Variants in LAMB1 observed in about 807,000 individuals in gnomAD.
The protein encoded by LAMB1 is laminin subunit beta 1.
In LAMB1, 121 loss-of-function variants were observed where a neutral mutation model predicts 222.3. That is an observed-to-expected ratio of 0.54 (90% confidence interval 0.47 to 0.63). LAMB1 has a LOEUF of 0.63. LAMB1 is among the 30% of genes least tolerant of loss of function. LAMB1 has a pLI of 0.00. For synonymous variants in LAMB1, 794 were observed against 807.2 expected (o/e 0.98, Z 0.28); for missense variants, 2,172 against 2,240.8 (o/e 0.97, Z 0.62).
intron 24 of LAMB1, among the ~76,000 whole-genome samples, chr7:107,941,529 A>G (rs2032981335): frequency 6.6e-6 from 1 of 152,182 alleles, no homozygotes; most frequent in Non-Finnish European, 1.5e-5. Context: ...GTCTTTGCCA[A>G]ATGAAGCCCT....
chr7:107,992,554 CA>C (rs1410206242), intron 5 of LAMB1, among the ~76,000 whole-genome samples: 3 of 152,220 alleles, frequency 2.0e-5, no homozygotes, highest in Non-Finnish European at 4.4e-5. Flanking sequence ...TAAAGACTTT[CA>C]GGTTCCCACT....
intron 5 of LAMB1, 134 bp from the exon 6 acceptor site, chr7:107,986,497 C>T (rs1048620798): frequency 1.2e-5 from 8 of 688,744 alleles, no homozygotes; most frequent in Non-Finnish European, 1.9e-5. Flanking sequence ...CAGACTGTGG[C>T]TGGATTTCAA....
At chr7:107,978,982 G>A (rs1438891780) in intron 8 of LAMB1, among the ~76,000 whole-genome samples, 2 of 152,184 alleles carry the variant, frequency 1.3e-5, no homozygotes, top group Non-Finnish European at 2.9e-5. Flanking sequence ...GGTCCCTCCT[G>A]GACCCACCTT....
At chr7:107,943,442 C>T (rs2116365918) in intron 24 of LAMB1, among the ~76,000 whole-genome samples, 1 of 152,256 alleles carries the variant, frequency 6.6e-6, no homozygotes, top group East Asian at 1.9e-4. Context: ...ACTTAAATAA[C>T]TTAGTACCTT....
chr7:107,958,024 G>C (rs1409505968), intron 20 of LAMB1, among the ~76,000 whole-genome samples: 2 of 152,154 alleles, frequency 1.3e-5, no homozygotes, highest in Admixed American at 6.5e-5. Context: ...TGCTGATTCT[G>C]AATCAGCATT....
intron 15 of LAMB1, 66 bp from the exon 16 acceptor site, chr7:107,961,742 T>A: frequency 6.6e-7 from 1 of 1,514,668 alleles, no homozygotes. Flanking sequence ...AAAAGACCTC[T>A]CTGAATCAAT....
intron 13 of LAMB1, among the ~76,000 whole-genome samples, chr7:107,968,095 C>G (rs567697411): frequency 6.6e-6 from 1 of 152,220 alleles, no homozygotes; most frequent in Non-Finnish European, 1.5e-5. Context: ...ATCTCTGTGC[C>G]TTTACCCATC....
chr7:107,953,607 A>G lies in LAMB1; in HGVS notation c.3002T>C (p.Leu1001Pro). 2 of 1,614,188 alleles carry G rather than the reference A, an allele frequency of 1.2e-6. No homozygotes were observed. Among genetic ancestry groups the G allele is most frequent in the Non-Finnish European group, 1.7e-6 (2 of 1,180,018 alleles). Reference sequence around the variant, plus strand: ...ACAGTGTTCCCCTTCCGTGTGGTACAGGCACTTGAGACACCTCCCAGTCTC... The same window carrying G: ...ACAGTGTTCCCCTTCCGTGTGGTACGGGCACTTGAGACACCTCCCAGTCTC... ...DKETGRCLKC[L>P]YHTEGEHCQF... The change falls in exon 22 of 34, where the codon CTG (leucine) becomes CCG (proline). Residue 1001 changes from leucine (L) to proline (P), a missense_variant. Physicochemically the swap from Leu to Pro is moderately conservative, Grantham distance 98. Transcript: ENST00000222399.
At chr7:107,992,654 G>A (rs1181451576) in intron 5 of LAMB1, among the ~76,000 whole-genome samples, 3 of 152,224 alleles carry the variant, frequency 2.0e-5, no homozygotes, top group Non-Finnish European at 4.4e-5. Flanking sequence ...CCAGCACTTT[G>A]GGAGGCCAAG....
intron 12 of LAMB1, 70 bp downstream of exon 12, chr7:107,974,916 G>A (rs917517796): frequency 1.6e-5 from 14 of 898,198 alleles, no homozygotes; most frequent in East Asian, 1.2e-4. Flanking sequence ...CTACAATGGC[G>A]AAAAGGCTTC....
intron 25 of LAMB1, 93 bp downstream of exon 25, chr7:107,939,896 C>T: frequency 3.5e-6 from 5 of 1,424,054 alleles, no homozygotes; most frequent in Non-Finnish European, 4.8e-6. Flanking sequence ...ACAAAACCTC[C>T]TGATGGAAGC....
rs368918198 is a variant in LAMB1 at position 107,951,282 on chromosome 7, C to T, written c.3335G>A (p.Arg1112His). The part of the protein sequence containing the change: ...QCQCMPGFGG[R>H]TCSECQELFW... ...GAGTTCCTGGCACTCGCTGCAGGTGCGGCCTCCAAACCCAGGCATGCACTG... is the reference window on the plus strand; with the variant it reads ...GAGTTCCTGGCACTCGCTGCAGGTGTGGCCTCCAAACCCAGGCATGCACTG... Residue 1112 changes from arginine (R) to histidine (H), a missense_variant, in exon 24 of 34, where the codon CGC (arginine) becomes CAC (histidine). Arg to His is a conservative substitution (Grantham distance 29). Coordinates refer to ENST00000222399, the MANE Select transcript of LAMB1 (RefSeq NM_002291.3). The T allele has an allele frequency of 1.2e-5, 19 of 1,614,042 alleles. No homozygotes were observed. The highest frequency in any genetic ancestry group is 2.2e-5 in the South Asian group (2 of 91,092).
intron 21 of LAMB1, 38 bp downstream of exon 21, chr7:107,955,429 T>C: frequency 1.9e-6 from 3 of 1,561,842 alleles, no homozygotes; most frequent in Non-Finnish European, 2.6e-6. Context: ...GACATCTTTT[T>C]CTCTCTCTTT....
intron 13 of LAMB1, among the ~76,000 whole-genome samples, chr7:107,969,171 C>T (rs2033693783): frequency 6.6e-6 from 1 of 151,894 alleles, no homozygotes; most frequent in African/African-American, 2.4e-5. Context: ...GCCTGTAGTC[C>T]CAGCTACTTG....
In LAMB1 at chr7:107,959,914, A is replaced by G. The variant is rs887751658; in HGVS notation, c.2315-80T>C. 25 of 1,498,688 alleles carry G rather than the reference A, an allele frequency of 1.7e-5. No individual in the cohort carries two copies. The East Asian group carries it at 5.1e-4, about 30-fold the overall frequency. The allele number at this position is 1,498,688 out of a possible 1,614,324, so 92.8% of individuals were successfully genotyped here. The stretch of plus-strand genomic sequence containing the variant: ...CTCCCTGATCCTTTCTCCTTTAACT[A>G]CTTTGGATTATTCAGAGTTCTGGTT... On this transcript the variant is annotated intron_variant, in intron 18 of 33. Coordinates refer to ENST00000222399, the MANE Select transcript of LAMB1 (RefSeq NM_002291.3).
At chr7:107,960,408 G>GA in intron 18 of LAMB1, 37 bp downstream of exon 18, 1 of 1,542,626 alleles carries the variant, frequency 6.5e-7, no homozygotes, top group Non-Finnish European at 9.0e-7. Context: ...CTCAGAGCCA[G>GA]AAACAGCAGC....
chr7:107,967,939 G>A (rs779017696), intron 13 of LAMB1, among the ~76,000 whole-genome samples: 12 of 152,114 alleles, frequency 7.9e-5, no homozygotes, highest in East Asian at 1.9e-4. Context: ...TGAGGGAGGC[G>A]TCATGAAAGA....
intron 20 of LAMB1, 39 bp from the exon 21 acceptor site, chr7:107,955,669 A>G (rs1346179238): frequency 1.9e-6 from 3 of 1,553,842 alleles, no homozygotes; most frequent in Non-Finnish European, 8.7e-7. Context: ...ATGACCCCAC[A>G]GTTCTAAGAA....
At chr7:107,937,328 CT>C (rs1329457841) in intron 25 of LAMB1, 51 bp from the exon 26 acceptor site, 1 of 1,462,052 alleles carries the variant, frequency 6.8e-7, no homozygotes, top group Admixed American at 1.7e-5. Flanking sequence ...CAAGGGAGAA[CT>C]TTCACGTTTC....
Sources: allele counts gnomAD v4.1 joint callset (sites outside exome capture counted in the v4.1 genomes callset), GRCh38; gene constraint gnomAD v4.1.1; transcripts MANE v1.5; gene names NCBI Gene and HGNC (gene_info 2026-07-23, HGNC 2026-07-21).